SLC12A6: variants seen among roughly 807,000 people sequenced by gnomAD.
The protein encoded by SLC12A6 is K-Cl cotransporter 3.
In SLC12A6, 66 loss-of-function variants were observed where a neutral mutation model predicts 135.3. The observed-to-expected ratio is 0.49, with a 90% CI of 0.40 to 0.60. The LOEUF (loss-of-function observed/expected upper bound fraction) is 0.60, where lower values mean the gene tolerates loss of function less well. Among genes scored for constraint, SLC12A6 ranks in the 20% least tolerant of loss-of-function variants. SLC12A6 has a pLI of 0.00. For missense variants in SLC12A6, 1,058 were observed against 1,452.3 expected (o/e 0.73, Z 4.41); for synonymous variants, 513 against 508.8 (o/e 1.01, Z -0.11).
chr15:34,263,086 A>ACAAACCTGTACATGTAC lies in SLC12A6; in HGVS notation c.317-2083_317-2067dup, dbSNP rs531758005. On this transcript the variant is annotated intron_variant, in intron 3 of 25. Transcript: ENST00000354181. ...CAGCATCATGCAATATACACATGTAACAAACCTGTACATGTACCCTCTAAA... is the reference window on the plus strand; with the variant it reads ...CAGCATCATGCAATATACACATGTAACAAACCTGTACATGTACCAAACCTGTACATGTACCCTCTAAA... Among the ~76,000 whole-genome samples the ACAAACCTGTACATGTAC allele has an allele frequency of 4.7e-3, 711 of 152,238 alleles. 3 individuals carry two copies. The highest frequency in any genetic ancestry group is 0.016 in the African/African-American group (678 of 41,516).
At chr15:34,276,203 G>C (rs907796954) in intron 2 of SLC12A6, among the ~76,000 whole-genome samples, 8 of 152,120 alleles carry the variant, frequency 5.3e-5, no homozygotes, top group African/African-American at 1.9e-4. Flanking sequence ...AAAGTAGAAG[G>C]ATGATTCAGG....
At chr15:34,321,263 C>T (rs915405149) in intron 2 of SLC12A6, among the ~76,000 whole-genome samples, 3 of 152,096 alleles carry the variant, frequency 2.0e-5, no homozygotes, top group Non-Finnish European at 2.9e-5. Context: ...TTCTCTCCTA[C>T]GGTGAACTAT....
chr15:34,316,060 T>C (rs1465177611), intron 2 of SLC12A6, among the ~76,000 whole-genome samples: 2 of 152,094 alleles, frequency 1.3e-5, no homozygotes, highest in Admixed American at 6.6e-5. Context: ...TTAGATTATC[T>C]ACATTCACAC....
intron 2 of SLC12A6, among the ~76,000 whole-genome samples, chr15:34,297,285 A>G (rs1470131782): frequency 1.3e-5 from 2 of 152,174 alleles, no homozygotes; most frequent in African/African-American, 4.8e-5. Context: ...TCATTTAGTG[A>G]CAACGTTCCT....
In SLC12A6 at chr15:34,336,707, T is replaced by C. The variant is rs199856572; in HGVS notation, c.-27A>G. ...TTGTTCTTTTTAAGAACAAAAAAAGTGGGGGGAACCTCGCAAAATCTTCCT... is the reference window on the plus strand; with the variant it reads ...TTGTTCTTTTTAAGAACAAAAAAAGCGGGGGGAACCTCGCAAAATCTTCCT... On this transcript the variant is annotated 5_prime_UTR_variant, in exon 2 of 26. Transcript: ENST00000354181. 6.2e-7 allele frequency: 1 copy of C among 1,610,138 alleles called. No homozygotes were observed.
At position 34,239,207 on chromosome 15, in the gene SLC12A6, A is replaced by G. The variant is rs750097294; in HGVS notation, c.2437-47T>C. 1.2e-5 allele frequency: 16 copies of G among 1,341,920 alleles called. 1 individual carries two copies. Among genetic ancestry groups the G allele is most frequent in the Middle Eastern group, 2.0e-4 (1 of 4,888 alleles). 83.1% of individuals were successfully genotyped at this position (1,341,920 alleles called of 1,614,324 possible). A position where few individuals can be genotyped will look rare whatever the true frequency, so the allele number is the denominator to read the frequency against. ...AACACTGAACTGGTTCACTCTGGAC[A>G]TTTTAACCCATTGTTCCTTCTCCAT... is the stretch of plus-strand genomic sequence containing the variant. On this transcript the variant is annotated intron_variant, in intron 19 of 25. Transcript: ENST00000354181.
rs535191678 is a variant in SLC12A6 at position 34,260,550 on chromosome 15, G to A, written c.411+376C>T. On this transcript the variant is annotated intron_variant, in intron 4 of 25. Transcript: ENST00000354181. ...TGGGATTACAGGCGTGAGCCACCGC[G>A]CCCGGCCTTGTTTAGTTAGTTCTAA... 3.3e-5 allele frequency among the ~76,000 whole-genome samples: 5 copies of A among 152,264 alleles called. No individual in the cohort carries two copies. The East Asian group carries it at 7.7e-4, about 24-fold the overall frequency.
At chr15:34,240,872 T>A in intron 18 of SLC12A6, 43 bp from the exon 19 acceptor site, 1 of 1,519,522 alleles carries the variant, frequency 6.6e-7, no homozygotes, top group East Asian at 2.3e-5. Context: ...GAGAAAACAT[T>A]TTGGGTTTGG....
chr15:34,289,755 G>A (rs2140962033), intron 2 of SLC12A6, among the ~76,000 whole-genome samples: 1 of 152,240 alleles, frequency 6.6e-6, no homozygotes, highest in South Asian at 2.1e-4. Flanking sequence ...AGATTTTCTA[G>A]TTTATTTACA....
rs1491392673 is a variant in SLC12A6 at position 34,231,588 on chromosome 15, C to CTT, written c.*2291_*2292dup. 9.6e-6 allele frequency: 1 copy of CTT among 104,334 alleles called. No individual in the cohort carries two copies. The highest frequency in any genetic ancestry group is 3.3e-5 in the African/African-American group (1 of 30,290). 6.5% of individuals were successfully genotyped at this position (104,334 alleles called of 1,614,324 possible). A position where few individuals can be genotyped will look rare whatever the true frequency, so the allele number is the denominator to read the frequency against. The stretch of plus-strand genomic sequence containing the variant: ...TCAAAATTACTCAATTTCTTTCTTT[C>CTT]TTTCTTTTTTTTTTTTTTTGAGATG... On this transcript the variant is annotated 3_prime_UTR_variant, in exon 26 of 26. Coordinates refer to ENST00000354181, the MANE Select transcript of SLC12A6 (RefSeq NM_001365088.1).
At chr15:34,282,150 G>A (rs879674845) in intron 2 of SLC12A6, among the ~76,000 whole-genome samples, 2 of 152,198 alleles carry the variant, frequency 1.3e-5, no homozygotes, top group Non-Finnish European at 1.5e-5. Flanking sequence ...TAGTCCTTAG[G>A]GCATAAGTAC....
intron 19 of SLC12A6, among the ~76,000 whole-genome samples, chr15:34,240,319 T>A (rs1484568784): frequency 6.6e-6 from 1 of 152,182 alleles, no homozygotes; most frequent in Non-Finnish European, 1.5e-5. Flanking sequence ...CATTACTCCT[T>A]GTTGTCACAA....
At chr15:34,289,659 C>T (rs1480653004) in intron 2 of SLC12A6, among the ~76,000 whole-genome samples, 1 of 152,080 alleles carries the variant, frequency 6.6e-6, no homozygotes, top group Non-Finnish European at 1.5e-5. Flanking sequence ...ATTTCAGAAC[C>T]TGTTATTGGT....
intron 2 of SLC12A6, among the ~76,000 whole-genome samples, chr15:34,312,758 T>C (rs935795525): frequency 1.3e-5 from 2 of 152,228 alleles, no homozygotes; most frequent in Admixed American, 6.5e-5. Flanking sequence ...GTGGCAACCC[T>C]ATGTCAAGCA....
At position 34,336,741 on chromosome 15, in the gene SLC12A6, A is replaced by G; in HGVS notation, c.-61T>C. The G allele has an allele frequency of 7.2e-7, 1 of 1,394,944 alleles. No individual in the cohort carries two copies. Among genetic ancestry groups the G allele is most frequent in the Non-Finnish European group, 1.0e-6 (1 of 980,648 alleles). 86.4% of individuals were successfully genotyped at this position (1,394,944 alleles called of 1,614,324 possible). ...CCTCGCAAAATCTTCCTCTTACGCTAGCTACTTTTGACTGCAATACAAAAG... is the reference window on the plus strand; with the variant it reads ...CCTCGCAAAATCTTCCTCTTACGCTGGCTACTTTTGACTGCAATACAAAAG... On this transcript the variant is annotated 5_prime_UTR_variant, in exon 2 of 26. Coordinates refer to ENST00000354181, the MANE Select transcript of SLC12A6 (RefSeq NM_001365088.1).
intron 2 of SLC12A6, among the ~76,000 whole-genome samples, 155 bp from the exon 3 acceptor site, chr15:34,275,544 C>A (rs947477645): frequency 2.0e-5 from 3 of 151,952 alleles, no homozygotes; most frequent in African/African-American, 7.3e-5. Context: ...ATAGAATGAA[C>A]TAGTGTAAAG....
At chr15:34,308,595 A>G (rs1163258539) in intron 2 of SLC12A6, among the ~76,000 whole-genome samples, 1 of 142,984 alleles carries the variant, frequency 7.0e-6, no homozygotes, top group African/African-American at 2.7e-5. Flanking sequence ...ACTGCACTTC[A>G]GCCTGAGCAA....
At chr15:34,277,902 G>T (rs1894406634) in intron 2 of SLC12A6, among the ~76,000 whole-genome samples, 1 of 152,130 alleles carries the variant, frequency 6.6e-6, no homozygotes, top group African/African-American at 2.4e-5. Flanking sequence ...TCATACTACT[G>T]CCCAAAGAAA....
At chr15:34,273,754 T>C (rs1163606639) in intron 3 of SLC12A6, among the ~76,000 whole-genome samples, 1 of 152,166 alleles carries the variant, frequency 6.6e-6, no homozygotes, top group Non-Finnish European at 1.5e-5. Context: ...GACACACAAG[T>C]GTTAAATACC....
Sources: gnomAD v4.1 joint callset for allele counts (sites outside exome capture counted in the v4.1 genomes callset) on GRCh38, gnomAD v4.1.1 for gene constraint, MANE v1.5 for transcripts, NCBI Gene and HGNC (gene_info 2026-07-23, HGNC 2026-07-21) for gene names.